The following DOCK10 variants were observed in gnomAD, a reference collection of about 807,000 sequenced individuals.
DOCK10 encodes dedicator of cytokinesis 10, also known as dedicator of cytokinesis protein 10.
In DOCK10, 145 loss-of-function variants were observed where a neutral mutation model predicts 280.1. That is an observed-to-expected ratio of 0.52 (90% CI 0.45 to 0.59). The LOEUF (loss-of-function observed/expected upper bound fraction) is 0.59, where lower values mean the gene tolerates loss of function less well. DOCK10 is among the 20% of genes least tolerant of loss of function. The pLI is 0.00. For synonymous variants in DOCK10, 915 were observed against 942.2 expected (o/e 0.97, Z 0.53); for missense variants, 2,368 against 2,651.7 (o/e 0.89, Z 2.35).
intron 45 of DOCK10, 124 bp from the exon 46 acceptor site, chr2:224,793,581 A>G: frequency 1.6e-6 from 1 of 616,244 alleles, no homozygotes; most frequent in South Asian, 3.1e-5. Context: ...TAATCACCAA[A>G]TTGAAAGCAA....
chr2:224,961,491 T>TTTCC (rs765721142), intron 1 of DOCK10, among the ~76,000 whole-genome samples: 10 of 148,080 alleles, frequency 6.8e-5, no homozygotes, highest in East Asian at 2.0e-4. Flanking sequence ...TTTCTCTTTC[T>TTTCC]TTCCTTCCTT....
chr2:224,919,735 G>T (rs531994338), intron 2 of DOCK10, among the ~76,000 whole-genome samples: 1 of 152,122 alleles, frequency 6.6e-6, no homozygotes, highest in South Asian at 2.1e-4. Context: ...CATGCATGTC[G>T]GGAAGCACGG....
chr2:224,797,243 C>A (rs1559426519), intron 42 of DOCK10, 97 bp from the exon 43 acceptor site: 6 of 725,608 alleles, frequency 8.3e-6, no homozygotes, highest in Non-Finnish European at 1.1e-5. Context: ...AATCCCTCTC[C>A]TTTTTTTTTT....
intron 1 of DOCK10, among the ~76,000 whole-genome samples, chr2:224,961,896 G>A (rs185002693): frequency 5.3e-5 from 8 of 152,320 alleles, no homozygotes; most frequent in South Asian, 2.1e-4. Flanking sequence ...GAGAAAACTA[G>A]TGAGATAGAA....
rs1694664877 is a variant in DOCK10, at chr2:224,823,790, G to T, written c.3037-143C>A. On this transcript the variant is annotated intron_variant, in intron 27 of 55. Transcript: ENST00000258390. ...AAAACTTGAAAGCAGTAATAAAATA[G>T]AAGCCTTTTACTTTCAAGGTCATGA... is the stretch of plus-strand genomic sequence containing the variant. 3 of 710,690 alleles carry T rather than the reference G, an allele frequency of 4.2e-6. No homozygotes were observed. In the South Asian group the frequency reaches 8.7e-5, roughly 21 times the overall value. The allele number at this position is 710,690 out of a possible 1,614,324, so 44.0% of individuals were successfully genotyped here. A position where few individuals can be genotyped will look rare whatever the true frequency, so the allele number is the denominator to read the frequency against.
At chr2:224,905,011 G>A (rs930055472) in intron 3 of DOCK10, among the ~76,000 whole-genome samples, 1 of 152,058 alleles carries the variant, frequency 6.6e-6, no homozygotes, top group Non-Finnish European at 1.5e-5. Flanking sequence ...TGTTTAGGAC[G>A]CAAGTCTTAT....
chr2:224,908,029 TTAAAG>T (rs1700764031), intron 3 of DOCK10, among the ~76,000 whole-genome samples: 1 of 152,160 alleles, frequency 6.6e-6, no homozygotes, highest in South Asian at 2.1e-4. Context: ...TATTAGCTAA[TTAAAG>T]ACTCTGAATG....
intron 1 of DOCK10, chr2:224,946,921 C>G: frequency 6.5e-7 from 1 of 1,543,194 alleles, no homozygotes; most frequent in South Asian, 1.2e-5. Context: ...TCACTGGGCT[C>G]CCGTTTAAAA....
At chr2:225,018,981 C>T (rs1689709484) in intron 1 of DOCK10, among the ~76,000 whole-genome samples, 1 of 116,312 alleles carries the variant, frequency 8.6e-6, no homozygotes, top group South Asian at 2.6e-4. Flanking sequence ...TGTATGTATA[C>T]ATATATAGAT....
intron 26 of DOCK10, among the ~76,000 whole-genome samples, chr2:224,831,916 G>A (rs1187831772): frequency 2.0e-5 from 3 of 152,140 alleles, no homozygotes; most frequent in South Asian, 4.1e-4. Flanking sequence ...GTCTAGAAGG[G>A]GAGGTAGGGG....
intron 1 of DOCK10, among the ~76,000 whole-genome samples, chr2:225,016,580 GATACATATATCTAT>G (rs1689599641): frequency 8.2e-5 from 11 of 134,650 alleles, no homozygotes; most frequent in African/African-American, 2.0e-4. Flanking sequence ...TGTGCACATA[GATACATATATCTAT>G]GTGCACATAG....
At chr2:224,815,012 T>C (rs1694033551) in intron 30 of DOCK10, among the ~76,000 whole-genome samples, 1 of 152,218 alleles carries the variant, frequency 6.6e-6, no homozygotes, top group South Asian at 2.1e-4. Flanking sequence ...GTAAGTAATA[T>C]AGTTTGACTC....
chr2:224,836,802 T>A (rs973663739), intron 25 of DOCK10, among the ~76,000 whole-genome samples: 8 of 152,046 alleles, frequency 5.3e-5, no homozygotes, highest in Admixed American at 2.0e-4. Context: ...GGTTTCACTG[T>A]GTTAGCCAGG....
chr2:224,972,135 T>C (rs2396172), intron 1 of DOCK10, among the ~76,000 whole-genome samples: 10 of 152,040 alleles, frequency 6.6e-5, no homozygotes, highest in Non-Finnish European at 1.3e-4. Flanking sequence ...TGGCAACAAA[T>C]AAAGAATACT....
intron 3 of DOCK10, among the ~76,000 whole-genome samples, chr2:224,903,543 C>T: frequency 6.6e-6 from 1 of 152,166 alleles, no homozygotes. Flanking sequence ...GACCTGGGAA[C>T]ATGCACTGTA....
At chr2:224,952,243 G>A (rs1703780016) in intron 1 of DOCK10, among the ~76,000 whole-genome samples, 1 of 152,174 alleles carries the variant, frequency 6.6e-6, no homozygotes, top group African/African-American at 2.4e-5. Context: ...TCTTATTCTC[G>A]AATTTTGTAT....
chr2:224,816,877 C>T (rs536415639), intron 29 of DOCK10, among the ~76,000 whole-genome samples, 164 bp from the exon 30 acceptor site: 5 of 152,318 alleles, frequency 3.3e-5, no homozygotes, highest in South Asian at 2.1e-4. Flanking sequence ...TTGTCCCCTC[C>T]GAACTGCAGT....
intron 3 of DOCK10, among the ~76,000 whole-genome samples, chr2:224,900,529 AAACCTTAAAAATG>A (rs1428257205): frequency 6.6e-6 from 1 of 152,188 alleles, no homozygotes; most frequent in Non-Finnish European, 1.5e-5. Context: ...TGATGGTTGC[AAACCTTAAAAATG>A]AACCGCACAT....
Position 224,805,346 on chromosome 2 carries a change from TTGAG to T in DOCK10, c.3937-30_3937-27del. The T allele has an allele frequency of 6.2e-7, 1 of 1,612,684 alleles. No homozygotes were observed. Among genetic ancestry groups the T allele is most frequent in the Non-Finnish European group, 8.5e-7 (1 of 1,179,080 alleles). ...CTGGGAATTCAAGAACCAATCAGGA[TTGAG>T]TGAGAGTGAGTGACCTCTGCCTTGT... On this transcript the variant is annotated intron_variant, in intron 35 of 55. Transcript: ENST00000258390. The surrounding 1 kb of genome is among the most constrained non-coding windows in gnomAD (Gnocchi z 4.3).
Sources: gnomAD v4.1 joint callset for allele counts (sites outside exome capture counted in the v4.1 genomes callset) on GRCh38, gnomAD v4.1.1 for gene constraint, Gnocchi (gnomAD v3.1) non-coding constraint, MANE v1.5 for transcripts, NCBI Gene and HGNC (gene_info 2026-07-23, HGNC 2026-07-21) for gene names.